CELF2: variants seen among roughly 807,000 people sequenced by gnomAD.
CELF2 encodes the protein CUG triplet repeat RNA-binding protein 2.
Under a neutral mutation model 62.6 loss-of-function variants are expected in CELF2, and 8 were observed. The observed-to-expected ratio is 0.13, with a 90% confidence interval of 0.07 to 0.23. The LOEUF (loss-of-function observed/expected upper bound fraction) is 0.23. Ranked by LOEUF, CELF2 falls within the 10% of genes least tolerant of loss-of-function variation. CELF2 has a pLI of 1.00. For missense variants in CELF2, 333 were observed against 671.0 expected, an observed-to-expected ratio of 0.50 and a Z score of 5.56; for synonymous variants, 258 against 250.0, an observed-to-expected ratio of 1.03 and a Z score of -0.30.
intron 3 of CELF2, among the ~76,000 whole-genome samples, chr10:11,226,462 C>T (rs1213415692): frequency 6.6e-6 from 1 of 152,238 alleles, no homozygotes; most frequent in African/African-American, 2.4e-5. Context: ...AATCTAAATC[C>T]TCAGTCCTGC....
chr10:10,773,027 G>T, the CELF2 span, among the ~76,000 whole-genome samples: 1 of 152,066 alleles, frequency 6.6e-6, no homozygotes, highest in African/African-American at 2.4e-5. Flanking sequence ...CATTTGAATG[G>T]GGGGGACAGC....
chr10:10,723,294 G>C, the CELF2 span, among the ~76,000 whole-genome samples: 1 of 152,034 alleles, frequency 6.6e-6, no homozygotes, highest in Admixed American at 6.6e-5. Context: ...ACTATGTCTT[G>C]ACTTTTGGTC....
At chr10:10,568,466 G>A in the CELF2 span, among the ~76,000 whole-genome samples, 1 of 152,316 alleles carries the variant, frequency 6.6e-6, no homozygotes. Context: ...CACATCTGCA[G>A]ACTTGAGTCC....
chr10:10,492,127 C>T, the CELF2 span, among the ~76,000 whole-genome samples: 1 of 152,134 alleles, frequency 6.6e-6, no homozygotes, highest in African/African-American at 2.4e-5. Context: ...TGCCAGATCA[C>T]CAACATCATT....
At chr10:10,909,605 T>C (rs954544679) in intron 1 of CELF2, among the ~76,000 whole-genome samples, 1 of 152,204 alleles carries the variant, frequency 6.6e-6, no homozygotes, top group African/African-American at 2.4e-5. Context: ...AGAAGGAGCA[T>C]CTCTAAGACA....
At chr10:11,004,886 T>C (rs1233686785), upstream of CELF2, among the ~76,000 whole-genome samples, 1 of 152,172 alleles carries the variant, frequency 6.6e-6, no homozygotes, top group Non-Finnish European at 1.5e-5. The surrounding 1 kb of genome is among the most constrained non-coding windows in gnomAD (Gnocchi z 5.0). Context: ...AAATCCTTTT[T>C]AGCACACTGA....
At chr10:10,567,123 A>G in the CELF2 span, among the ~76,000 whole-genome samples, 2 of 152,212 alleles carry the variant, frequency 1.3e-5, no homozygotes, top group African/African-American at 4.8e-5. Context: ...TTCCAGGTAG[A>G]CTTCTTCTAA....
At chr10:10,823,387 C>A (rs2057125606) in intron 1 of CELF2, among the ~76,000 whole-genome samples, 1 of 152,148 alleles carries the variant, frequency 6.6e-6, no homozygotes, top group Non-Finnish European at 1.5e-5. Context: ...GATCTGGGCA[C>A]TCGCAGGAAT....
intron 3 of CELF2, among the ~76,000 whole-genome samples, chr10:11,218,341 ATAAGG>A (rs2063864229): frequency 6.6e-6 from 1 of 152,228 alleles, no homozygotes; most frequent in Non-Finnish European, 1.5e-5. Flanking sequence ...TAAAAGAAAG[ATAAGG>A]TAATGTCCCT....
intron 1 of CELF2, among the ~76,000 whole-genome samples, chr10:10,832,174 A>G (rs560966627): frequency 6.6e-6 from 1 of 151,964 alleles, no homozygotes; most frequent in East Asian, 1.9e-4. Flanking sequence ...AGGCTGAGGC[A>G]GGAGAATCAC....
At position 11,247,420 on chromosome 10, in the gene CELF2, G is replaced by C. The variant is rs906725153; in HGVS notation, c.355-1733G>C. Among the ~76,000 whole-genome samples, 19 of 152,204 alleles carry C rather than the reference G, an allele frequency of 1.2e-4. No homozygotes were observed. The highest frequency in any genetic ancestry group is 4.3e-4 in the African/African-American group (18 of 41,450). On this transcript the variant is annotated intron_variant, in intron 3 of 12. Coordinates refer to ENST00000633077, the MANE Select transcript of CELF2 (RefSeq NM_001326342.2). This position sits in a 1 kb window ranked among gnomAD's most constrained non-coding sequence, Gnocchi z 5.4. ...CCCCCTTCAGTGCTCGCACGTCCAA[G>C]GACTCGGCCCAGATGCAGCCTTGGC...
chr10:10,768,308 A>C, the CELF2 span, among the ~76,000 whole-genome samples: 2 of 152,068 alleles, frequency 1.3e-5, no homozygotes, highest in African/African-American at 4.8e-5. Context: ...TCTCAGCATC[A>C]CAAGCAAAGC....
chr10:11,072,005 A>G (rs1352077666), intron 1 of CELF2, among the ~76,000 whole-genome samples: 1 of 152,232 alleles, frequency 6.6e-6, no homozygotes, highest in Non-Finnish European at 1.5e-5. Flanking sequence ...TGGTGACGAC[A>G]CCGTGAGTTT....
intron 1 of CELF2, among the ~76,000 whole-genome samples, chr10:11,135,816 A>G (rs967778313): frequency 1.3e-5 from 2 of 151,900 alleles, no homozygotes; most frequent in Non-Finnish European, 2.9e-5. Flanking sequence ...TTGTCAAGGT[A>G]TGGTCTGAGG....
chr10:11,051,368 C>CAAAAGAG (rs2063886754), intron 1 of CELF2, among the ~76,000 whole-genome samples: 1 of 152,150 alleles, frequency 6.6e-6, no homozygotes, highest in South Asian at 2.1e-4. Flanking sequence ...TTTTGATTAT[C>CAAAAGAG]CACCTATGTA....
intron 1 of CELF2, among the ~76,000 whole-genome samples, chr10:11,026,977 T>C (rs566771318): frequency 6.6e-6 from 1 of 152,306 alleles, no homozygotes; most frequent in African/African-American, 2.4e-5. Flanking sequence ...TGGATGTCTT[T>C]GTCTGGGCCA....
In CELF2 at chr10:11,280,761, G is replaced by T. The variant is rs2088199647; in HGVS notation, c.841+5641G>T. ...TGGACAGAGGCCGCTCTGGGTGGGG[G>T]AAACGGTGCCCTCACTGCCCTCCAG... On this transcript the variant is annotated intron_variant, in intron 8 of 12. Transcript: ENST00000633077. The surrounding 1 kb of genome is among the most constrained non-coding windows in gnomAD (Gnocchi z 7.6). 6.6e-6 allele frequency among the ~76,000 whole-genome samples: 1 copy of T among 152,186 alleles called. No individual in the cohort carries two copies. The highest frequency in any genetic ancestry group is 2.1e-4 in the South Asian group (1 of 4,826).
chr10:10,954,110 CAG>C (rs1475892872), intron 2 of CELF2, among the ~76,000 whole-genome samples: 1 of 151,702 alleles, frequency 6.6e-6, no homozygotes, highest in African/African-American at 2.4e-5. Context: ...AATTTGACAA[CAG>C]ATTGTGTAAA....
At chr10:10,753,844 C>T in the CELF2 span, among the ~76,000 whole-genome samples, 3 of 152,120 alleles carry the variant, frequency 2.0e-5, no homozygotes, top group African/African-American at 7.2e-5. Context: ...CAGAGCAAAA[C>T]CCATGACATC....
Sources: allele counts gnomAD v4.1 joint callset (sites outside exome capture counted in the v4.1 genomes callset), GRCh38; gene constraint gnomAD v4.1.1; non-coding constraint Gnocchi (gnomAD v3.1); transcripts MANE v1.5; gene names NCBI Gene and HGNC (gene_info 2026-07-23, HGNC 2026-07-21).